CD200R1: variants seen among roughly 807,000 people sequenced by gnomAD.
CD200R1 encodes the protein CD200 receptor 1.
Under a neutral mutation model 38.1 loss-of-function variants are expected in CD200R1, and 30 were observed. The ratio of observed to expected loss-of-function variants is 0.79; its 90% CI spans 0.59 to 1.07. The LOEUF (loss-of-function observed/expected upper bound fraction) is 1.07, where lower values mean the gene tolerates loss of function less well. Ranked by LOEUF, CD200R1 falls within the 50% of genes least tolerant of loss-of-function variation. The probability of loss-of-function intolerance (pLI) is 0.00; values close to 1 mark genes in which losing one functional copy is unlikely to be tolerated. For synonymous variants in CD200R1, 128 were observed against 152.1 expected, an observed-to-expected ratio of 0.84 and a Z score of 1.16; for missense variants, 372 against 415.4, an observed-to-expected ratio of 0.90 and a Z score of 0.91.
intron 1 of CD200R1, among the ~76,000 whole-genome samples, chr3:112,957,757 T>G (rs1221358657): frequency 6.6e-6 from 1 of 152,166 alleles, no homozygotes; most frequent in Non-Finnish European, 1.5e-5. Context: ...AAGACTGCTA[T>G]GTAGAATATG....
At chr3:112,951,929 G>A (rs897190931) in intron 1 of CD200R1, among the ~76,000 whole-genome samples, 50 of 151,298 alleles carry the variant, frequency 3.3e-4, no homozygotes, top group African/African-American at 8.5e-4. Flanking sequence ...TTCTCCTCAA[G>A]AACAGTCTCA....
chr3:112,925,282 C>T (rs920230409), intron 5 of CD200R1, 89 bp from the exon 6 acceptor site: 1 of 663,938 alleles, frequency 1.5e-6, no homozygotes, highest in South Asian at 2.0e-5. Flanking sequence ...AATGAGCTAT[C>T]AAACCATAAA....
intron 2 of CD200R1, among the ~76,000 whole-genome samples, chr3:112,940,645 A>G (rs1940705660): frequency 6.6e-6 from 1 of 151,774 alleles, no homozygotes; most frequent in Non-Finnish European, 1.5e-5. Flanking sequence ...TCAAAAAGAC[A>G]CAAATAAATG....
intron 1 of CD200R1, among the ~76,000 whole-genome samples, chr3:112,962,129 G>C (rs952911537): frequency 2.0e-5 from 3 of 152,108 alleles, no homozygotes; most frequent in Admixed American, 6.5e-5. Flanking sequence ...AGGGTGTATT[G>C]CTAATAAAAG....
At chr3:112,973,228 A>C (rs1350586569) in intron 1 of CD200R1, among the ~76,000 whole-genome samples, 1 of 152,196 alleles carries the variant, frequency 6.6e-6, no homozygotes, top group Non-Finnish European at 1.5e-5. Flanking sequence ...GGTCCTACAC[A>C]AGTTGCTATA....
chr3:112,970,356 A>G (rs1438120739), intron 1 of CD200R1, among the ~76,000 whole-genome samples: 1 of 152,014 alleles, frequency 6.6e-6, no homozygotes, highest in Non-Finnish European at 1.5e-5. Context: ...TCCTGGGGGG[A>G]AAAAGGGCTG....
chr3:112,954,619 C>T (rs1259525028), intron 1 of CD200R1, among the ~76,000 whole-genome samples: 1 of 152,078 alleles, frequency 6.6e-6, no homozygotes, highest in Non-Finnish European at 1.5e-5. Context: ...ATAAATAATG[C>T]TTATCTAATG....
At chr3:112,964,312 T>G (rs890523243) in intron 1 of CD200R1, among the ~76,000 whole-genome samples, 1 of 152,130 alleles carries the variant, frequency 6.6e-6, no homozygotes, top group East Asian at 1.9e-4. Context: ...CATTGACAAC[T>G]TGCACTCTGC....
intron 2 of CD200R1, among the ~76,000 whole-genome samples, chr3:112,934,698 C>T (rs770621363): frequency 1.1e-4 from 17 of 152,064 alleles, no homozygotes; most frequent in Admixed American, 2.0e-4. Flanking sequence ...GACATGGTGG[C>T]GGGCACCTGT....
intron 2 of CD200R1, 64 bp from the exon 3 acceptor site, chr3:112,931,235 T>C (rs1034947758): frequency 2.0e-6 from 2 of 989,008 alleles, no homozygotes; most frequent in East Asian, 2.4e-5. Context: ...GAAGCCAGTA[T>C]CCCTCCACAA....
chr3:112,934,047 G>C (rs1940517701), intron 2 of CD200R1, among the ~76,000 whole-genome samples: 1 of 151,842 alleles, frequency 6.6e-6, no homozygotes, highest in Non-Finnish European at 1.5e-5. Context: ...GAAAGAAAAA[G>C]GCACAGAAAA....
chr3:112,944,165 C>T (rs949770953), intron 2 of CD200R1, among the ~76,000 whole-genome samples: 27 of 151,824 alleles, frequency 1.8e-4, no homozygotes, highest in Admixed American at 1.6e-3. Context: ...ATCCTAATAA[C>T]CAAACCAGAC....
intron 5 of CD200R1, among the ~76,000 whole-genome samples, chr3:112,927,385 A>G (rs958361480): frequency 1.3e-5 from 2 of 151,938 alleles, no homozygotes; most frequent in Non-Finnish European, 2.9e-5. Flanking sequence ...CAGATACATA[A>G]CAAATCTCTA....
chr3:112,940,312 A>G (rs1940698790), intron 2 of CD200R1, among the ~76,000 whole-genome samples: 1 of 151,914 alleles, frequency 6.6e-6, no homozygotes, highest in Admixed American at 6.6e-5. Flanking sequence ...AAGCAAAAAT[A>G]AACACATGGG....
chr3:112,921,615 C>T lies in CD200R1; in HGVS notation c.*2062G>A, dbSNP rs1196085256. 6.6e-6 allele frequency: 1 copy of T among 152,014 alleles called. No individual in the cohort carries two copies. Among genetic ancestry groups the T allele is most frequent in the Non-Finnish European group, 1.5e-5 (1 of 67,978 alleles). The allele number at this position is 152,014 out of a possible 1,614,324, so 9.4% of individuals were successfully genotyped here. On this transcript the variant is annotated 3_prime_UTR_variant, in exon 8 of 8. Coordinates refer to ENST00000308611, the MANE Select transcript of CD200R1 (RefSeq NM_138806.4). ...CCTAACTCCGTCTCAGCCTCTGCTT[C>T]CTGGATGACCTTGCTGACACGCCAG... is the stretch of plus-strand genomic sequence containing the variant.
chr3:112,924,581 T>G, intron 6 of CD200R1, 46 bp from the exon 7 acceptor site: 1 of 1,065,998 alleles, frequency 9.4e-7, no homozygotes, highest in Non-Finnish European at 1.2e-6. Context: ...AACATCATTG[T>G]TTAGATCGAA....
Position 112,923,788 on chromosome 3 carries a change from CT to C in CD200R1, c.935del (p.Gln312ArgfsTer20). The part of the protein sequence containing the change: ...STPVVEEDEM[Q>X]PYASYTEKNN... Reference sequence around the variant, plus strand: ...TCTTCTCTGTGTAGCTGGCATAGGGCTGCATTTCATCCTAAGAAAGAACTCA... The same window carrying C: ...TCTTCTCTGTGTAGCTGGCATAGGGCGCATTTCATCCTAAGAAAGAACTCA... On this transcript the variant is annotated frameshift_variant, in exon 8 of 8. Coordinates refer to ENST00000308611, the MANE Select transcript of CD200R1 (RefSeq NM_138806.4). LOFTEE classifies it low-confidence loss of function (END_TRUNC). 1 of 1,587,870 alleles carries C rather than the reference CT, an allele frequency of 6.3e-7. No homozygotes were observed. Among genetic ancestry groups the C allele is most frequent in the Non-Finnish European group, 8.6e-7 (1 of 1,167,344 alleles).
chr3:112,973,958 C>G (rs978137490), intron 1 of CD200R1, among the ~76,000 whole-genome samples: 6 of 152,152 alleles, frequency 3.9e-5, no homozygotes, highest in African/African-American at 7.2e-5. Flanking sequence ...GTGTCTCTTA[C>G]AGCCCACACA....
chr3:112,955,231 G>C (rs1173595911), intron 1 of CD200R1, among the ~76,000 whole-genome samples: 1 of 152,190 alleles, frequency 6.6e-6, no homozygotes, highest in Non-Finnish European at 1.5e-5. Flanking sequence ...GGAATGTTCT[G>C]TGTATGTCTG....
Sources: allele counts gnomAD v4.1 joint callset (sites outside exome capture counted in the v4.1 genomes callset), GRCh38; gene constraint gnomAD v4.1.1; transcripts MANE v1.5; gene names NCBI Gene and HGNC (gene_info 2026-07-23, HGNC 2026-07-21).